GSN: variants seen among roughly 807,000 people sequenced by gnomAD.
The protein encoded by GSN is gelsolin.
In GSN, 56 loss-of-function variants were observed where a neutral mutation model predicts 85.7. The observed-to-expected ratio is 0.65, with a 90% CI of 0.53 to 0.82. The LOEUF is 0.82. Ranked by LOEUF, GSN falls within the 40% of genes least tolerant of loss-of-function variation. The pLI is 0.00. For synonymous variants in GSN, 373 were observed against 399.1 expected (o/e 0.93, Z 0.78); for missense variants, 857 against 979.8 (o/e 0.87, Z 1.67).
At chr9:121,293,178 T>C (rs1281571621) in intron 2 of GSN, among the ~76,000 whole-genome samples, 3 of 152,152 alleles carry the variant, frequency 2.0e-5, no homozygotes, top group African/African-American at 7.2e-5. Context: ...TCCTGGTAGA[T>C]CCCAGTGAAG....
chr9:121,309,704 C>G (rs1564511084), intron 4 of GSN: 1 of 152,126 alleles, frequency 6.6e-6, no homozygotes, highest in African/African-American at 2.4e-5. Context: ...GGTTCAGTGA[C>G]TCACTCCTGT....
intron 5 of GSN, chr9:121,239,715 G>A: frequency 3.3e-6 from 1 of 303,490 alleles, no homozygotes; most frequent in Non-Finnish European, 6.5e-6. Context: ...TCTGTCAATG[G>A]GTTTTTCCCG....
intron 5 of GSN, among the ~76,000 whole-genome samples, chr9:121,244,646 C>T (rs936772195): frequency 1.3e-5 from 2 of 152,128 alleles, no homozygotes; most frequent in East Asian, 3.8e-4. Flanking sequence ...CACTGCAGCT[C>T]TATTTGTAAT....
intron 1 of GSN, among the ~76,000 whole-genome samples, chr9:121,269,566 T>C (rs1350159558): frequency 6.6e-6 from 1 of 152,146 alleles, no homozygotes; most frequent in East Asian, 1.9e-4. Context: ...GGGGAGAGGC[T>C]TGGAAACAGA....
chr9:121,323,998 G>A (rs1472389662), intron 11 of GSN, among the ~76,000 whole-genome samples: 1 of 152,122 alleles, frequency 6.6e-6, no homozygotes, highest in South Asian at 2.1e-4. Flanking sequence ...GACATATGTT[G>A]GTTATGGAAA....
intron 2 of GSN, among the ~76,000 whole-genome samples, chr9:121,296,489 A>G (rs962622510): frequency 6.6e-6 from 1 of 152,106 alleles, no homozygotes; most frequent in African/African-American, 2.4e-5. Flanking sequence ...TAGGTCCTGG[A>G]TTTGGTTGTA....
chr9:121,293,800 TA>T (rs752960181), intron 2 of GSN, among the ~76,000 whole-genome samples: 7 of 151,840 alleles, frequency 4.6e-5, no homozygotes, highest in Non-Finnish European at 1.0e-4. Context: ...CTTTTAACAA[TA>T]AAAGCAGCCT....
At chr9:121,289,608 C>T (rs1249428369) in intron 2 of GSN, among the ~76,000 whole-genome samples, 3 of 152,156 alleles carry the variant, frequency 2.0e-5, no homozygotes, top group African/African-American at 4.8e-5. Flanking sequence ...CCTCTTGGCA[C>T]CTGGCACTCA....
chr9:121,217,835 T>A (rs866828052), intron 4 of GSN, among the ~76,000 whole-genome samples: 18 of 145,628 alleles, frequency 1.2e-4, no homozygotes, highest in African/African-American at 3.4e-4. Flanking sequence ...TTATTATTAT[T>A]ATAACCTCAA....
At chr9:121,326,365 C>G in intron 12 of GSN, 147 bp from the exon 13 acceptor site, 1 of 726,714 alleles carries the variant, frequency 1.4e-6, no homozygotes, top group Non-Finnish European at 2.4e-6. Context: ...ATTCTGGTGT[C>G]CCTGCCTGTG....
intron 4 of GSN, among the ~76,000 whole-genome samples, chr9:121,225,451 TC>T (rs1284025200): frequency 7.2e-5 from 11 of 152,350 alleles, no homozygotes; most frequent in African/African-American, 2.6e-4. Flanking sequence ...AAGGCATTTT[TC>T]ATCAGCCTAG....
Position 121,329,272 on chromosome 9 carries a change from A to G in GSN, c.1922A>G (p.Asp641Gly), listed in dbSNP as rs1357027431. The G allele has an allele frequency of 6.2e-7, 1 of 1,612,562 alleles. No homozygotes were observed. The highest frequency in any genetic ancestry group is 1.3e-5 in the African/African-American group (1 of 74,962). Residue 641 changes from aspartate (D) to glycine (G), a missense_variant, in exon 16 of 18, where the codon GAC (aspartate) becomes GGC (glycine). Coordinates refer to ENST00000432226, the MANE Select transcript of GSN (RefSeq NM_198252.3). The surrounding 1 kb of genome is among the most constrained non-coding windows in gnomAD (Gnocchi z 4.6). ...GTTCCTGGTGAGCTCATGCAGGAAG[A>G]CCTGGCAACGGATGACGTCATGCTT... ...EEVPGELMQE[D>G]LATDDVMLLD...
At chr9:121,276,785 C>T (rs529821312) in intron 1 of GSN, among the ~76,000 whole-genome samples, 1 of 151,300 alleles carries the variant, frequency 6.6e-6, no homozygotes, top group African/African-American at 2.4e-5. Context: ...GTGGTCGGGT[C>T]CTGTAGTGGG....
intron 5 of GSN, among the ~76,000 whole-genome samples, chr9:121,244,120 T>G (rs2054655706): frequency 6.6e-6 from 1 of 152,250 alleles, no homozygotes; most frequent in Non-Finnish European, 1.5e-5. Flanking sequence ...AAATCTGGCT[T>G]CTTTCCCTTA....
intron 7 of GSN, among the ~76,000 whole-genome samples, chr9:121,314,310 T>G (rs2061487560): frequency 1.3e-5 from 2 of 152,254 alleles, no homozygotes; most frequent in Non-Finnish European, 2.9e-5. Context: ...TGGTCGACTT[T>G]GTAGGATTTC....
chr9:121,299,426 G>T lies in GSN; in HGVS notation c.-9-2537G>T. 1.0e-6 allele frequency: 1 copy of T among 983,820 alleles called. No individual in the cohort carries two copies. Among genetic ancestry groups the T allele is most frequent in the Non-Finnish European group, 1.2e-6 (1 of 828,426 alleles). The allele number at this position is 983,820 out of a possible 1,614,324, so 60.9% of individuals were successfully genotyped here. ...CGCTGTTCCCCCCTCTGTAAAATGG[G>T]TTGGCCGTTGTACCCTCTCTGAAAA... is the stretch of plus-strand genomic sequence containing the variant. On this transcript the variant is annotated intron_variant, in intron 2 of 17. Transcript: ENST00000432226. This position sits in a 1 kb window ranked among gnomAD's most constrained non-coding sequence, Gnocchi z 4.2.
chr9:121,328,801 G>A (rs745937858), intron 14 of GSN, 90 bp from the exon 15 acceptor site: 22 of 1,378,984 alleles, frequency 1.6e-5, no homozygotes, highest in Non-Finnish European at 2.1e-5. Flanking sequence ...GCAGTTGGTT[G>A]CGCTTGGGCA....
chr9:121,301,797 C>T lies in GSN; in HGVS notation c.-9-166C>T. On this transcript the variant is annotated intron_variant, in intron 2 of 17. Transcript: ENST00000432226. Reference sequence around the variant, plus strand: ...ATAAAACTCTTGCCCTGTTTGCTGACTCGTTGAGACAGGGTGCCCAGAAGG... The same window carrying T: ...ATAAAACTCTTGCCCTGTTTGCTGATTCGTTGAGACAGGGTGCCCAGAAGG... 3.9e-6 allele frequency: 4 copies of T among 1,031,034 alleles called. No individual in the cohort carries two copies. The South Asian group carries it at 5.5e-5, about 14-fold the overall frequency. The allele number at this position is 1,031,034 out of a possible 1,614,324, so 63.9% of individuals were successfully genotyped here.
chr9:121,326,950 C>T (rs959147835), intron 13 of GSN, among the ~76,000 whole-genome samples: 6 of 152,190 alleles, frequency 3.9e-5, no homozygotes, highest in Non-Finnish European at 7.3e-5. Flanking sequence ...TTCCTGATTA[C>T]GTTCCAGTTG....
Sources: allele counts gnomAD v4.1 joint callset (sites outside exome capture counted in the v4.1 genomes callset), GRCh38; gene constraint gnomAD v4.1.1; non-coding constraint Gnocchi (gnomAD v3.1); transcripts MANE v1.5; gene names NCBI Gene and HGNC (gene_info 2026-07-23, HGNC 2026-07-21).